Variants in CDC7 observed in about 807,000 individuals in gnomAD.
The protein encoded by CDC7 is cell division cycle 7-related protein kinase.
A neutral mutation model predicts 53.5 loss-of-function variants in CDC7; 34 were observed. The ratio of observed to expected loss-of-function variants is 0.64; its 90% CI spans 0.48 to 0.85. The LOEUF (loss-of-function observed/expected upper bound fraction) is 0.85, where lower values mean the gene tolerates loss of function less well. Among genes scored for constraint, CDC7 ranks in the 40% least tolerant of loss-of-function variants. The probability of loss-of-function intolerance (pLI) is 0.00; values close to 1 mark genes in which losing one functional copy is unlikely to be tolerated. For missense variants in CDC7, 594 were observed against 679.7 expected (o/e 0.87, Z 1.40); for synonymous variants, 211 against 222.8 (o/e 0.95, Z 0.47).
intron 2 of CDC7, among the ~76,000 whole-genome samples, chr1:91,506,721 G>T (rs1423394009): frequency 6.6e-6 from 1 of 152,120 alleles, no homozygotes; most frequent in Non-Finnish European, 1.5e-5. Context: ...AGGCCAAGGT[G>T]GGCAGATCAC....
At chr1:91,501,128 C>G (rs766692384) in intron 1 of CDC7, 180 bp downstream of exon 1, 1 of 152,268 alleles carries the variant, frequency 6.6e-6, no homozygotes, top group African/African-American at 2.4e-5. Context: ...GTCTCTGGCC[C>G]GAGGGAAGCC....
chr1:91,517,694 A>G (rs1418468333), intron 10 of CDC7, among the ~76,000 whole-genome samples: 7 of 152,188 alleles, frequency 4.6e-5, no homozygotes, highest in Non-Finnish European at 1.0e-4. Flanking sequence ...GGATGGACCA[A>G]TCAGGGAGAG....
chr1:91,501,624 T>C, intron 1 of CDC7, 30 bp from the exon 2 acceptor site: 1 of 905,148 alleles, frequency 1.1e-6, no homozygotes, highest in East Asian at 2.4e-5. Context: ...GCGAGTGATC[T>C]AAATTTCTCT....
intron 4 of CDC7, among the ~76,000 whole-genome samples, chr1:91,508,877 T>C (rs927650327): frequency 6.6e-6 from 1 of 152,224 alleles, no homozygotes; most frequent in African/African-American, 2.4e-5. Flanking sequence ...CATCATTTCT[T>C]TGTTCCCCCT....
At chr1:91,508,604 G>A (rs574333412) in intron 4 of CDC7, among the ~76,000 whole-genome samples, 2 of 152,198 alleles carry the variant, frequency 1.3e-5, no homozygotes, top group Non-Finnish European at 2.9e-5. Context: ...CTTGAGGCTC[G>A]ACCTGATTTC....
At chr1:91,520,964 C>T (rs898375599) in intron 11 of CDC7, among the ~76,000 whole-genome samples, 1 of 152,208 alleles carries the variant, frequency 6.6e-6, no homozygotes. Context: ...CAGCCTTGCT[C>T]TGGCCAACAA....
At position 91,513,103 on chromosome 1, in the gene CDC7, G is replaced by A. The variant is rs780437446; in HGVS notation, c.618G>A (p.Thr206=). The change falls in exon 7 of 12, where the codon ACG becomes ACA. Residue 206 remains threonine (T), a synonymous_variant. Coordinates refer to ENST00000234626, the MANE Select transcript of CDC7 (RefSeq NM_003503.4). ...DFGLAQGTHD[T]KIELLKFVQS... Reference sequence around the variant, plus strand: ...GTTTGGCCCAAGGAACCCATGATACGAAAATAGAGCTTCTTAAATTTGTCC... The same window carrying A: ...GTTTGGCCCAAGGAACCCATGATACAAAAATAGAGCTTCTTAAATTTGTCC... 18 of 1,613,436 alleles carry A rather than the reference G, an allele frequency of 1.1e-5. No individual in the cohort carries two copies. Among genetic ancestry groups the A allele is most frequent in the Admixed American group, 1.7e-5 (1 of 59,930 alleles).
rs757274840 is a variant in CDC7, at chr1:91,524,168, A to G, written c.1458A>G (p.Gln486=). ...TSDIQGHASH[Q]PAISEKTDHK... ...ATATACAAGGGCATGCTTCTCATCA[A>G]CCAGCTATTTCAGAGAAGACTGACC... is the stretch of plus-strand genomic sequence containing the variant. The change falls in exon 12 of 12, where the codon CAA becomes CAG. Residue 486 remains glutamine, a synonymous_variant. Transcript: ENST00000234626. The G allele has an allele frequency of 5.9e-5, 96 of 1,613,984 alleles. No homozygotes were observed. The highest frequency in any genetic ancestry group is 7.6e-5 in the Non-Finnish European group (90 of 1,179,980).
rs1298398066 is a variant in CDC7 at position 91,513,246 on chromosome 1, C to T, written c.761C>T (p.Ala254Val). The T allele has an allele frequency of 6.2e-7, 1 of 1,613,290 alleles. No homozygotes were observed. Among genetic ancestry groups the T allele is most frequent in the Admixed American group, 1.7e-5 (1 of 59,956 alleles). Residue 254 changes from alanine (A) to valine (V), a missense_variant, in exon 7 of 12, where the codon GCT (alanine) becomes GTT (valine). By Grantham distance (64) the Ala-to-Val change is moderately conservative. Transcript: ENST00000234626. Reference sequence around the variant, plus strand: ...CTGGATCAGCAGTCCACCACAAAAGCTTCTGTTAAAAGACCCTACACAAAT... The same window carrying T: ...CTGGATCAGCAGTCCACCACAAAAGTTTCTGTTAAAAGACCCTACACAAAT... ...KELDQQSTTK[A>V]SVKRPYTNAQ...
intron 11 of CDC7, among the ~76,000 whole-genome samples, chr1:91,521,871 T>TAA (rs34177853): frequency 1.1e-4 from 16 of 149,686 alleles, no homozygotes; most frequent in East Asian, 3.9e-4. Flanking sequence ...CTTCTCATAT[T>TAA]AAAAAAAAAA....
chr1:91,524,559 T>TTGGTGGCACATTCTAAA lies in CDC7; in HGVS notation c.*125_*141dup. The TTGGTGGCACATTCTAAA allele has an allele frequency of 1.4e-6, 1 of 727,438 alleles. No homozygotes were observed. The highest frequency in any genetic ancestry group is 2.2e-6 in the Non-Finnish European group (1 of 452,590). 45.1% of individuals were successfully genotyped at this position (727,438 alleles called of 1,614,324 possible). ...ATAATTTATTTTAACATTTTAGTGT[T>TTGGTGGCACATTCTAAA]TGGTGGCACATTCTAAAATATAGAT... On this transcript the variant is annotated 3_prime_UTR_variant, in exon 12 of 12. Coordinates refer to ENST00000234626, the MANE Select transcript of CDC7 (RefSeq NM_003503.4).
intron 4 of CDC7, 120 bp from the exon 5 acceptor site, chr1:91,511,477 T>G: frequency 1.6e-6 from 1 of 609,556 alleles, no homozygotes; most frequent in Non-Finnish European, 3.0e-6. Flanking sequence ...GTGATGATGA[T>G]TTAAGTCAGT....
intron 6 of CDC7, among the ~76,000 whole-genome samples, chr1:91,512,328 T>C (rs531491808): frequency 2.0e-5 from 3 of 152,200 alleles, no homozygotes; most frequent in African/African-American, 7.2e-5. Flanking sequence ...GAAGATAAAA[T>C]TGTATTAGTG....
chr1:91,517,240 C>G (rs930246540), intron 10 of CDC7, among the ~76,000 whole-genome samples: 2 of 152,128 alleles, frequency 1.3e-5, no homozygotes, highest in South Asian at 2.1e-4. Context: ...ATGGATCATT[C>G]TGGCAGGCGT....
At chr1:91,506,910 A>G (rs1366246339) in intron 2 of CDC7, among the ~76,000 whole-genome samples, 1 of 152,172 alleles carries the variant, frequency 6.6e-6, no homozygotes, top group Non-Finnish European at 1.5e-5. Flanking sequence ...AGATTACATC[A>G]CTGCACTCCA....
At position 91,518,093 on chromosome 1, in the gene CDC7, C is replaced by CAAAAAAAAAAAAAAAAAA. The variant is rs55787737; in HGVS notation, c.1181-2031_1181-2014dup. ...TGAGCAACAGAGTGAGACTCAGTCT[C>CAAAAAAAAAAAAAAAAAA]AAAAAAAAAAAAAAAAAAAAAAAGG... On this transcript the variant is annotated intron_variant, in intron 10 of 11. Coordinates refer to ENST00000234626, the MANE Select transcript of CDC7 (RefSeq NM_003503.4). Among the ~76,000 whole-genome samples the CAAAAAAAAAAAAAAAAAA allele has an allele frequency of 1.5e-4, 7 of 46,028 alleles. 2 individuals are homozygous for CAAAAAAAAAAAAAAAAAA. Among genetic ancestry groups the CAAAAAAAAAAAAAAAAAA allele is most frequent in the Admixed American group, 8.3e-4 (2 of 2,412 alleles). 30.2% of individuals were successfully genotyped at this position (46,028 alleles called of 152,430 possible). A position where few individuals can be genotyped will look rare whatever the true frequency, so the allele number is the denominator to read the frequency against.
Position 91,524,040 on chromosome 1 carries a change from G to T in CDC7, c.1331-1G>T. On this transcript the variant is annotated splice_acceptor_variant, in intron 11 of 11. Transcript: ENST00000234626. LOFTEE classifies it high-confidence loss of function. The stretch of plus-strand genomic sequence containing the variant: ...TTTGTTTTTTCTTCTTTTGCTTTTA[G>T]GGAAATCAATATTATGTAGCAAAGA... 1 of 1,565,480 alleles carries T rather than the reference G, an allele frequency of 6.4e-7. No homozygotes were observed. The highest frequency in any genetic ancestry group is 8.6e-7 in the Non-Finnish European group (1 of 1,158,020).
chr1:91,520,900 G>A (rs892395320), intron 11 of CDC7, among the ~76,000 whole-genome samples: 14 of 152,200 alleles, frequency 9.2e-5, no homozygotes, highest in Non-Finnish European at 2.1e-4. Context: ...AGCCACGCAA[G>A]TTCTTCAAGA....
At chr1:91,512,397 C>G (rs199828095) in intron 6 of CDC7, among the ~76,000 whole-genome samples, 1 of 78,284 alleles carries the variant, frequency 1.3e-5, no homozygotes, top group Admixed American at 1.3e-4. Context: ...AACTAACAGA[C>G]TTAGAGTCTA....
Sources: gnomAD v4.1 joint callset for allele counts (sites outside exome capture counted in the v4.1 genomes callset) on GRCh38, gnomAD v4.1.1 for gene constraint, MANE v1.5 for transcripts, NCBI Gene and HGNC (gene_info 2026-07-23, HGNC 2026-07-21) for gene names.